DOCK3: variants seen among roughly 807,000 people sequenced by gnomAD.
DOCK3 encodes the protein dedicator of cytokinesis protein 3.
In DOCK3, 60 loss-of-function variants were observed where a neutral mutation model predicts 265.6. The ratio of observed to expected loss-of-function variants is 0.23; its 90% CI spans 0.18 to 0.28. DOCK3 has a LOEUF of 0.28. Among genes scored for constraint, DOCK3 ranks in the 10% least tolerant of loss-of-function variants. DOCK3 has a pLI of 1.00. For synonymous variants in DOCK3, 881 were observed against 938.0 expected, an observed-to-expected ratio of 0.94 and a Z score of 1.11; for missense variants, 1,981 against 2,594.3, an observed-to-expected ratio of 0.76 and a Z score of 5.14.
Position 51,229,526 on chromosome 3 carries a change from C to T in DOCK3, c.1834C>T (p.Leu612=). 6.2e-7 allele frequency: 1 copy of T among 1,606,254 alleles called. No individual in the cohort carries two copies. The highest frequency in any genetic ancestry group is 2.2e-5 in the East Asian group (1 of 44,536). Residue 612 remains leucine, a synonymous_variant, in exon 19 of 53, where the codon CTG becomes TTG. Coordinates refer to ENST00000266037, the MANE Select transcript of DOCK3 (RefSeq NM_004947.5). Reference sequence around the variant, plus strand: ...TTGCTTTCTAGTGGACCTCCTAGCTCTGCTGAAGTGGAAAGCCTTCCCCGA... The same window carrying T: ...TTGCTTTCTAGTGGACCTCCTAGCTTTGCTGAAGTGGAAAGCCTTCCCCGA... The part of the protein sequence containing the change: ...KLTQNVDLLA[L]LKWKAFPDRI...
intron 1 of DOCK3, among the ~76,000 whole-genome samples, chr3:50,704,735 C>T (rs1055324094): frequency 2.2e-4 from 34 of 151,750 alleles, no homozygotes; most frequent in Admixed American, 2.2e-3. Flanking sequence ...AGGCTATTCT[C>T]CTGCTTCAGC....
intron 12 of DOCK3, among the ~76,000 whole-genome samples, chr3:51,174,632 T>TTAC (rs1333811874): frequency 6.6e-6 from 1 of 152,202 alleles, no homozygotes; most frequent in African/African-American, 2.4e-5. Context: ...CTCCACTTCT[T>TTAC]TAGGGTCATT....
intron 38 of DOCK3, among the ~76,000 whole-genome samples, chr3:51,347,110 G>A (rs1443704392): frequency 6.6e-6 from 1 of 152,296 alleles, no homozygotes; most frequent in East Asian, 1.9e-4. Context: ...TCTGATGGTA[G>A]TTTCTTTTGC....
At chr3:50,947,008 G>A (rs1039855269) in intron 5 of DOCK3, among the ~76,000 whole-genome samples, 1 of 151,992 alleles carries the variant, frequency 6.6e-6, no homozygotes, top group African/African-American at 2.4e-5. Context: ...TTAACAACAG[G>A]ATAAAAAAAC....
At chr3:51,048,520 A>G (rs1201129564) in intron 5 of DOCK3, among the ~76,000 whole-genome samples, 1 of 152,206 alleles carries the variant, frequency 6.6e-6, no homozygotes, top group Non-Finnish European at 1.5e-5. Flanking sequence ...TGTTTAGTAT[A>G]CACTTTATAC....
chr3:51,273,900 G>A (rs540384654), intron 24 of DOCK3, among the ~76,000 whole-genome samples: 4 of 152,284 alleles, frequency 2.6e-5, no homozygotes, highest in South Asian at 2.1e-4. Context: ...TGCCAGAAAC[G>A]CATTCACACT....
intron 16 of DOCK3, among the ~76,000 whole-genome samples, 184 bp from the exon 17 acceptor site, chr3:51,227,798 A>G (rs2090392571): frequency 6.6e-6 from 1 of 152,196 alleles, no homozygotes; most frequent in South Asian, 2.1e-4. Flanking sequence ...TAGGTAGCCT[A>G]TATGCCTTGA....
At chr3:50,703,208 G>A (rs1367520588) in intron 1 of DOCK3, among the ~76,000 whole-genome samples, 4 of 152,104 alleles carry the variant, frequency 2.6e-5, no homozygotes, top group Non-Finnish European at 5.9e-5. Flanking sequence ...TGATCATGGT[G>A]TGTTATCTTT....
At chr3:50,688,330 G>A (rs985045585) in intron 1 of DOCK3, among the ~76,000 whole-genome samples, 2 of 152,196 alleles carry the variant, frequency 1.3e-5, no homozygotes, top group African/African-American at 4.8e-5. Context: ...TCTCCATGTG[G>A]TGAGACAGTT....
intron 5 of DOCK3, among the ~76,000 whole-genome samples, chr3:51,008,123 G>A (rs1429201883): frequency 1.3e-5 from 2 of 152,040 alleles, no homozygotes; most frequent in African/African-American, 4.8e-5. Context: ...TTGGTTCCAT[G>A]TGAACATTAA....
intron 2 of DOCK3, among the ~76,000 whole-genome samples, chr3:50,825,250 A>G (rs1424209546): frequency 1.1e-4 from 17 of 152,228 alleles, no homozygotes. Flanking sequence ...AGATTATAAA[A>G]TGTCATATAC....
chr3:51,178,028 TA>T (rs59659600), intron 12 of DOCK3, among the ~76,000 whole-genome samples: 41 of 138,058 alleles, frequency 3.0e-4, no homozygotes, highest in Non-Finnish European at 3.6e-4. Context: ...CTCAAAATAG[TA>T]AAAAAAAAAA....
chr3:50,692,820 A>T (rs9826757), intron 1 of DOCK3, among the ~76,000 whole-genome samples: 1 of 151,994 alleles, frequency 6.6e-6, no homozygotes, highest in Admixed American at 6.6e-5. Flanking sequence ...ATCCAGTGTC[A>T]TGAACCTTTC....
chr3:50,761,381 T>C (rs1035029323), intron 1 of DOCK3, among the ~76,000 whole-genome samples: 1 of 152,164 alleles, frequency 6.6e-6, no homozygotes, highest in South Asian at 2.1e-4. Context: ...AAACAAAATT[T>C]CTAAATTGCT....
chr3:51,220,265 A>G (rs1374913581), intron 14 of DOCK3, among the ~76,000 whole-genome samples: 1 of 152,228 alleles, frequency 6.6e-6, no homozygotes, highest in East Asian at 1.9e-4. Context: ...AAAGAAAGTC[A>G]GTTCTCATCT....
chr3:51,067,754 A>G (rs1294056104), intron 6 of DOCK3, among the ~76,000 whole-genome samples: 2 of 152,130 alleles, frequency 1.3e-5, no homozygotes, highest in African/African-American at 2.4e-5. Flanking sequence ...TGTTGCACCA[A>G]AACTGATAGG....
At chr3:51,341,448 C>T in intron 38 of DOCK3, 63 bp downstream of exon 38, 1 of 1,593,132 alleles carries the variant, frequency 6.3e-7, no homozygotes, top group Non-Finnish European at 8.6e-7. Flanking sequence ...GGCATCTTGA[C>T]ACCATAGGGT....
In DOCK3 at chr3:50,750,941, ATTTT is replaced by A. The variant is rs550253166; in HGVS notation, c.38-27729_38-27726del. 3.9e-5 allele frequency among the ~76,000 whole-genome samples: 6 copies of A among 152,128 alleles called. No individual in the cohort carries two copies. The East Asian group carries it at 9.6e-4, about 24-fold the overall frequency. ...CAAATTATTTTTTGAGTGAGCCACAATTTTTTTTCTTTTTTATTTGTATGGACAA... is the reference window on the plus strand; with the variant it reads ...CAAATTATTTTTTGAGTGAGCCACAATTTTCTTTTTTATTTGTATGGACAA... On this transcript the variant is annotated intron_variant, in intron 1 of 52. Coordinates refer to ENST00000266037, the MANE Select transcript of DOCK3 (RefSeq NM_004947.5).
chr3:51,016,923 T>TGA lies in DOCK3; in HGVS notation c.316-47525_316-47524insGA, dbSNP rs1448332259. 1.8e-5 allele frequency among the ~76,000 whole-genome samples: 2 copies of TGA among 113,610 alleles called. 1 individual carries two copies. The highest frequency in any genetic ancestry group is 7.3e-5 in the African/African-American group (2 of 27,510). 74.5% of individuals were successfully genotyped at this position (113,610 alleles called of 152,430 possible). A position where few individuals can be genotyped will look rare whatever the true frequency, so the allele number is the denominator to read the frequency against. ...TGATATATGTTTATATATAAATATA[T>TGA]TAATATATACAATATATGTTATATA... On this transcript the variant is annotated intron_variant, in intron 5 of 52. Transcript: ENST00000266037.
Sources: gnomAD v4.1 joint callset for allele counts (sites outside exome capture counted in the v4.1 genomes callset) on GRCh38, gnomAD v4.1.1 for gene constraint, MANE v1.5 for transcripts, NCBI Gene and HGNC (gene_info 2026-07-23, HGNC 2026-07-21) for gene names.